Variants in CSMD2 observed in about 807,000 individuals in gnomAD.
The protein encoded by CSMD2 is CUB and sushi domain-containing protein 2.
Under a neutral mutation model 398.5 loss-of-function variants are expected in CSMD2, and 130 were observed. That is an observed-to-expected ratio of 0.33 (90% CI 0.28 to 0.38). CSMD2 has a LOEUF of 0.38. Among genes scored for constraint, CSMD2 ranks in the 10% least tolerant of loss-of-function variants. The pLI is 1.00. For synonymous variants in CSMD2, 1,828 were observed against 1,908.5 expected (o/e 0.96, Z 1.10); for missense variants, 3,829 against 4,764.9 (o/e 0.80, Z 5.78).
chr1:33,641,424 C>T (rs759503169), intron 29 of CSMD2, among the ~76,000 whole-genome samples: 6 of 152,224 alleles, frequency 3.9e-5, no homozygotes, highest in Admixed American at 6.5e-5. Flanking sequence ...GGTCCTTCCA[C>T]CCCACTGGTT....
chr1:33,974,391 C>T (rs1482428062), intron 3 of CSMD2, among the ~76,000 whole-genome samples: 2 of 152,220 alleles, frequency 1.3e-5, no homozygotes, highest in Non-Finnish European at 2.9e-5. Context: ...AAATGCTCCT[C>T]TGAGCCAGGC....
At chr1:33,771,634 C>T (rs573745212) in intron 13 of CSMD2, among the ~76,000 whole-genome samples, 10 of 152,144 alleles carry the variant, frequency 6.6e-5, no homozygotes, top group Admixed American at 3.3e-4. Context: ...ATCACAGAGA[C>T]CCTGACAGTC....
intron 4 of CSMD2, among the ~76,000 whole-genome samples, chr1:33,929,239 G>A (rs945208870): frequency 1.1e-4 from 16 of 151,844 alleles, no homozygotes; most frequent in African/African-American, 3.4e-4. Flanking sequence ...CCTCTACTCC[G>A]GCCACCCTCG....
At chr1:33,712,297 T>A (rs1411287076) in intron 21 of CSMD2, among the ~76,000 whole-genome samples, 1 of 152,010 alleles carries the variant, frequency 6.6e-6, no homozygotes, top group African/African-American at 2.4e-5. Flanking sequence ...CAGGGGCCCC[T>A]GATGTCAGGG....
At chr1:34,038,821 C>T (rs1651482025) in intron 2 of CSMD2, among the ~76,000 whole-genome samples, 1 of 152,148 alleles carries the variant, frequency 6.6e-6, no homozygotes, top group African/African-American at 2.4e-5. Flanking sequence ...TTTAAAAGTT[C>T]ACTTCTTATC....
rs553946685 is a variant in CSMD2 at position 34,133,199 on chromosome 1, C to G, written c.187+31712G>C. On this transcript the variant is annotated intron_variant, in intron 1 of 70. Coordinates refer to ENST00000373381, the MANE Select transcript of CSMD2 (RefSeq NM_001281956.2). ...ACTTGTTTCTGTATCTAGCTGTCCACTAGACTGCCAGTTCCTCCCAAGCCA... is the reference window on the plus strand; with the variant it reads ...ACTTGTTTCTGTATCTAGCTGTCCAGTAGACTGCCAGTTCCTCCCAAGCCA... Among the ~76,000 whole-genome samples the G allele has an allele frequency of 2.1e-4, 32 of 152,334 alleles. No homozygotes were observed. The East Asian group carries it at 2.3e-3, about 11-fold the overall frequency.
intron 1 of CSMD2, among the ~76,000 whole-genome samples, chr1:34,108,308 T>A (rs553554721): frequency 1.3e-5 from 2 of 152,184 alleles, no homozygotes; most frequent in African/African-American, 4.8e-5. Flanking sequence ...AACCCTAACA[T>A]AGTGCCATGG....
intron 1 of CSMD2, among the ~76,000 whole-genome samples, chr1:34,136,643 T>A (rs961594749): frequency 6.6e-6 from 1 of 152,224 alleles, no homozygotes; most frequent in Non-Finnish European, 1.5e-5. Flanking sequence ...ATTCCCATGA[T>A]GCCTTTAATA....
chr1:33,567,935 C>T (rs914331832), intron 52 of CSMD2, 94 bp from the exon 53 acceptor site: 3 of 1,420,688 alleles, frequency 2.1e-6, no homozygotes, highest in African/African-American at 2.8e-5. Context: ...GGAGTGACTT[C>T]AGGAACCCTC....
intron 6 of CSMD2, among the ~76,000 whole-genome samples, chr1:33,833,957 C>A (rs1172189698): frequency 6.7e-6 from 1 of 150,064 alleles, no homozygotes; most frequent in Non-Finnish European, 1.5e-5. Flanking sequence ...TGTGAAGGAA[C>A]TCTTCAAGGA....
At chr1:33,953,289 A>T (rs116322164) in intron 3 of CSMD2, among the ~76,000 whole-genome samples, 1 of 152,070 alleles carries the variant, frequency 6.6e-6, no homozygotes, top group East Asian at 1.9e-4. Flanking sequence ...CATATTAAAC[A>T]CCTGCCCAGG....
In CSMD2 at chr1:33,600,889, C is replaced by G. The variant is rs763469967; in HGVS notation, c.6832G>C (p.Gly2278Arg). 2.5e-6 allele frequency: 4 copies of G among 1,614,130 alleles called. No individual in the cohort carries two copies. Among genetic ancestry groups the G allele is most frequent in the Non-Finnish European group, 2.5e-6 (3 of 1,180,024 alleles). ...CCGGAGAAAGCTATGGCGAAGATCC[C>G]CCCTGTGGCTGCATCACGGTGGAAC... ...LKFHRDAATG[G>R]IFAIAFSAYP... Residue 2278 changes from glycine to arginine, a missense_variant, in exon 44 of 71, where the codon GGG becomes CGG. Physicochemically the swap from Gly to Arg is moderately radical, Grantham distance 125. Coordinates refer to ENST00000373381, the MANE Select transcript of CSMD2 (RefSeq NM_001281956.2).
rs772072035 is a variant in CSMD2 at position 33,658,026 on chromosome 1, G to A, written c.4367C>T (p.Ala1456Val). ...GCTGATCTCTGCACTTCCCTGCAGC[G>A]CGTAGCCAGGGTCACACTGGAACAC... is the stretch of plus-strand genomic sequence containing the variant. ...STVFQCDPGY[A>V]LQGSAEISCV... Residue 1456 changes from alanine to valine, a missense_variant, in exon 27 of 71, where the codon GCG becomes GTG. Physicochemically the swap from Ala to Val is moderately conservative, Grantham distance 64 (BLOSUM62 0). Coordinates refer to ENST00000373381, the MANE Select transcript of CSMD2 (RefSeq NM_001281956.2). 1.1e-5 allele frequency: 17 copies of A among 1,614,148 alleles called. No homozygotes were observed. Among genetic ancestry groups the A allele is most frequent in the Admixed American group, 8.3e-5 (5 of 60,028 alleles).
At chr1:34,057,013 G>C (rs1269188464) in intron 2 of CSMD2, among the ~76,000 whole-genome samples, 2 of 152,206 alleles carry the variant, frequency 1.3e-5, no homozygotes, top group Non-Finnish European at 2.9e-5. Context: ...CTTTTGGGTT[G>C]CTGGTTGCTC....
chr1:34,060,886 A>G (rs1654415128), intron 2 of CSMD2, among the ~76,000 whole-genome samples: 1 of 151,956 alleles, frequency 6.6e-6, no homozygotes, highest in Non-Finnish European at 1.5e-5. Context: ...TTCCTCCCCT[A>G]GCCATGCTTC....
At position 33,918,187 on chromosome 1, in the gene CSMD2, A is replaced by G; in HGVS notation, c.827T>C (p.Leu276Pro). 6.2e-7 allele frequency: 1 copy of G among 1,614,198 alleles called. No individual in the cohort carries two copies. The highest frequency in any genetic ancestry group is 1.1e-5 in the South Asian group (1 of 91,078). ...AAACACCAGGGCGATGGTGTCCCCCAGCTCAGCCAGGATGGTCCATGTGCA... is the reference window on the plus strand; with the variant it reads ...AAACACCAGGGCGATGGTGTCCCCCGGCTCAGCCAGGATGGTCCATGTGCA... ...ADCTWTILAE[L>P]GDTIALVFID... Residue 276 changes from leucine to proline, a missense_variant, in exon 5 of 71, where the codon CTG becomes CCG. Around this residue, in one of 5 missense-constraint regions of CSMD2, gnomAD observed 2,001 missense variants for 2,567.1 expected, o/e 0.78. Transcript: ENST00000373381.
At chr1:34,060,970 C>T (rs139068473) in intron 2 of CSMD2, among the ~76,000 whole-genome samples, 21 of 152,162 alleles carry the variant, frequency 1.4e-4, no homozygotes, top group East Asian at 3.9e-4. Context: ...CTTTCTGTCA[C>T]GACTGGAGAC....
intron 3 of CSMD2, among the ~76,000 whole-genome samples, chr1:33,947,798 G>A (rs1161016077): frequency 6.6e-6 from 1 of 152,142 alleles, no homozygotes; most frequent in Non-Finnish European, 1.5e-5. Flanking sequence ...CATCGCTTAC[G>A]GACCACTTCT....
At chr1:33,795,189 C>T (rs568300324) in intron 10 of CSMD2, among the ~76,000 whole-genome samples, 14 of 147,944 alleles carry the variant, frequency 9.5e-5, no homozygotes, top group Middle Eastern at 3.7e-3. Flanking sequence ...CCTGCAGCAA[C>T]GTCTAGGTGA....
Sources: gnomAD v4.1 joint callset for allele counts (sites outside exome capture counted in the v4.1 genomes callset) on GRCh38, gnomAD v4.1.1 for gene constraint, gnomAD v4.1.1 regional missense constraint, MANE v1.5 for transcripts, NCBI Gene and HGNC (gene_info 2026-07-23, HGNC 2026-07-21) for gene names.